The following OXCT1 variants were observed in gnomAD, a reference collection of about 807,000 sequenced individuals.
OXCT1 encodes the protein 3-oxoacid CoA-transferase 1, also known as succinyl-CoA:3-ketoacid coenzyme A transferase 1, mitochondrial.
Under a neutral mutation model 69.6 loss-of-function variants are expected in OXCT1, and 27 were observed. That is an observed-to-expected ratio of 0.39 (90% CI 0.29 to 0.54). OXCT1 has a LOEUF of 0.54. Ranked by LOEUF, OXCT1 falls within the 20% of genes least tolerant of loss-of-function variation. The pLI, the probability that OXCT1 is intolerant of heterozygous loss-of-function variation, is 0.72. For missense variants in OXCT1, 437 were observed against 650.2 expected (o/e 0.67, Z 3.57); for synonymous variants, 202 against 217.8 (o/e 0.93, Z 0.64).
intron 4 of OXCT1, among the ~76,000 whole-genome samples, chr5:41,852,691 A>C (rs535463237): frequency 1.3e-5 from 2 of 152,252 alleles, no homozygotes; most frequent in South Asian, 4.1e-4. Flanking sequence ...CCCAGCACTT[A>C]CTCAGATATA....
At chr5:41,802,302 GTTA>G (rs2112261273) in intron 10 of OXCT1, among the ~76,000 whole-genome samples, 1 of 152,088 alleles carries the variant, frequency 6.6e-6, no homozygotes, top group African/African-American at 2.4e-5. Context: ...TGCATTAACA[GTTA>G]TTATCTACTG....
At chr5:41,791,095 G>T (rs1461456093) in intron 13 of OXCT1, among the ~76,000 whole-genome samples, 2 of 152,062 alleles carry the variant, frequency 1.3e-5, no homozygotes, top group African/African-American at 2.4e-5. Flanking sequence ...ATTTGTAAGG[G>T]GTAGGGCTGA....
At chr5:41,766,521 A>G (rs996629154) in intron 13 of OXCT1, among the ~76,000 whole-genome samples, 3 of 151,962 alleles carry the variant, frequency 2.0e-5, no homozygotes, top group African/African-American at 7.2e-5. Flanking sequence ...TAAATTCAGT[A>G]ACATTAAAAA....
intron 7 of OXCT1, 125 bp downstream of exon 7, chr5:41,840,326 C>T (rs1450647648): frequency 5.1e-6 from 4 of 780,518 alleles, no homozygotes; most frequent in Non-Finnish European, 8.8e-6. Flanking sequence ...GGATCCATTT[C>T]CAAAACAAAA....
intron 7 of OXCT1, among the ~76,000 whole-genome samples, chr5:41,813,284 A>G (rs1398327038): frequency 2.6e-5 from 4 of 152,108 alleles, no homozygotes; most frequent in African/African-American, 9.7e-5. Context: ...GCTCTGGTGT[A>G]CAGATAGGTA....
chr5:41,827,681 C>T (rs988440916), intron 7 of OXCT1, among the ~76,000 whole-genome samples: 1 of 152,150 alleles, frequency 6.6e-6, no homozygotes, highest in Non-Finnish European at 1.5e-5. Flanking sequence ...AGGATCGGTG[C>T]AAGACAAGAA....
chr5:41,793,672 G>A (rs1052667188), intron 13 of OXCT1, among the ~76,000 whole-genome samples: 1 of 152,114 alleles, frequency 6.6e-6, no homozygotes, highest in African/African-American at 2.4e-5. Context: ...GTTCTTCCTA[G>A]TTTAAAATTT....
intron 1 of OXCT1, chr5:41,869,917 C>T (rs1361161943): frequency 1.4e-5 from 5 of 355,360 alleles, no homozygotes; most frequent in Non-Finnish European, 2.7e-5. Context: ...GCGCCCTCCT[C>T]CCCCCGTTCA....
chr5:41,863,926 G>A (rs1749851468), intron 1 of OXCT1, among the ~76,000 whole-genome samples: 1 of 152,138 alleles, frequency 6.6e-6, no homozygotes, highest in African/African-American at 2.4e-5. Flanking sequence ...GTCAAAGAAT[G>A]CCTCCTAGAG....
At chr5:41,857,198 C>T (rs951174143) in intron 3 of OXCT1, among the ~76,000 whole-genome samples, 1 of 152,156 alleles carries the variant, frequency 6.6e-6, no homozygotes, top group Admixed American at 6.6e-5. Context: ...CCCTGCTTCC[C>T]CTCCCACACA....
At chr5:41,819,444 C>G (rs1360922322) in intron 7 of OXCT1, among the ~76,000 whole-genome samples, 2 of 152,088 alleles carry the variant, frequency 1.3e-5, no homozygotes, top group Non-Finnish European at 2.9e-5. Flanking sequence ...GATCTCAGCT[C>G]ACTGCAACCT....
intron 7 of OXCT1, among the ~76,000 whole-genome samples, chr5:41,818,216 C>G (rs934913171): frequency 6.6e-6 from 1 of 152,010 alleles, no homozygotes; most frequent in Non-Finnish European, 1.5e-5. Flanking sequence ...CACAATAAAA[C>G]ATGAAAATAA....
In OXCT1 at chr5:41,749,510, GA is replaced by G; in HGVS notation, c.1419+16del. On this transcript the variant is annotated intron_variant, in intron 15 of 16. Coordinates refer to ENST00000196371, the MANE Select transcript of OXCT1 (RefSeq NM_000436.4). The stretch of plus-strand genomic sequence containing the variant: ...GCTTACTTAAAACATGGTAATAGTA[GA>G]AAAAGCACTTTTTACCTTTTCAGTA... 6.4e-7 allele frequency: 1 copy of G among 1,563,712 alleles called. No homozygotes were observed. The highest frequency in any genetic ancestry group is 8.8e-7 in the Non-Finnish European group (1 of 1,135,872).
intron 13 of OXCT1, among the ~76,000 whole-genome samples, chr5:41,779,548 C>G (rs1465969937): frequency 1.3e-5 from 2 of 151,984 alleles, no homozygotes; most frequent in African/African-American, 2.4e-5. Context: ...TTGTTAGTAA[C>G]AAAGCTAAAA....
chr5:41,860,712 T>C (rs1286604392), intron 3 of OXCT1, among the ~76,000 whole-genome samples: 5 of 152,314 alleles, frequency 3.3e-5, no homozygotes, highest in South Asian at 4.1e-4. Flanking sequence ...ATATGGCTTT[T>C]CCTAACATAG....
At chr5:41,855,737 A>C (rs1468356398) in intron 3 of OXCT1, among the ~76,000 whole-genome samples, 1 of 152,212 alleles carries the variant, frequency 6.6e-6, no homozygotes, top group Non-Finnish European at 1.5e-5. Context: ...TGAGAAAATA[A>C]ACACGTAACC....
chr5:41,775,987 G>A (rs1209489926), intron 13 of OXCT1, among the ~76,000 whole-genome samples: 4 of 152,016 alleles, frequency 2.6e-5, no homozygotes, highest in African/African-American at 9.7e-5. Context: ...GTAGGGAAGG[G>A]AAAAACTAGT....
intron 16 of OXCT1, among the ~76,000 whole-genome samples, chr5:41,739,093 C>G (rs78003100): frequency 1.2e-4 from 19 of 152,314 alleles, no homozygotes; most frequent in Non-Finnish European, 2.2e-4. Context: ...CAGGGGATTA[C>G]AAGGGCCTTC....
chr5:41,738,139 T>C (rs1742983360), intron 16 of OXCT1, among the ~76,000 whole-genome samples: 1 of 152,260 alleles, frequency 6.6e-6, no homozygotes, highest in Non-Finnish European at 1.5e-5. Context: ...ATGTATGACT[T>C]ATCAAATAAC....
Sources: gnomAD v4.1 joint callset for allele counts (sites outside exome capture counted in the v4.1 genomes callset) on GRCh38, gnomAD v4.1.1 for gene constraint, MANE v1.5 for transcripts, NCBI Gene and HGNC (gene_info 2026-07-23, HGNC 2026-07-21) for gene names.